Variants in RAB2A observed in about 807,000 individuals in gnomAD.
RAB2A encodes the protein ras-related protein Rab-2A.
A neutral mutation model predicts 32.5 loss-of-function variants in RAB2A; 7 were observed. The ratio of observed to expected loss-of-function variants is 0.22; its 90% CI spans 0.12 to 0.40. The LOEUF is 0.40. Ranked by LOEUF, RAB2A falls within the 10% of genes least tolerant of loss-of-function variation. The pLI is 1.00. For missense variants in RAB2A, 108 were observed against 260.7 expected, an observed-to-expected ratio of 0.41 and a Z score of 4.03; for synonymous variants, 79 against 85.2, an observed-to-expected ratio of 0.93 and a Z score of 0.40.
chr8:60,545,089 G>A (rs1270099261), intron 1 of RAB2A, among the ~76,000 whole-genome samples: 1 of 152,116 alleles, frequency 6.6e-6, no homozygotes, highest in African/African-American at 2.4e-5. Context: ...GCTTGTGGTT[G>A]TAAAAATAGA....
intron 1 of RAB2A, among the ~76,000 whole-genome samples, chr8:60,522,412 G>T (rs868549563): frequency 6.6e-6 from 1 of 152,188 alleles, no homozygotes; most frequent in African/African-American, 2.4e-5. Context: ...ACACTTAACC[G>T]TTACTTCTGG....
chr8:60,605,509 C>G (rs1381235106), intron 6 of RAB2A, among the ~76,000 whole-genome samples: 1 of 152,174 alleles, frequency 6.6e-6, no homozygotes, highest in Non-Finnish European at 1.5e-5. Flanking sequence ...AAGCCACAGG[C>G]ACTCAGTGCC....
chr8:60,517,130 G>A lies in RAB2A; in HGVS notation c.-78G>A, dbSNP rs1397661506. The A allele has an allele frequency of 2.9e-6, 4 of 1,397,260 alleles. No homozygotes were observed. Among genetic ancestry groups the A allele is most frequent in the African/African-American group, 1.5e-5 (1 of 66,224 alleles). The allele number at this position is 1,397,260 out of a possible 1,614,324, so 86.6% of individuals were successfully genotyped here. On this transcript the variant is annotated 5_prime_UTR_variant, in exon 1 of 8. Coordinates refer to ENST00000262646, the MANE Select transcript of RAB2A (RefSeq NM_002865.3). Reference sequence around the variant, plus strand: ...GGCGCCTGGCGTTTCGAGGCTGAGCGGCACCGGGGTTGGGGCGCGGAGGAG... The same window carrying A: ...GGCGCCTGGCGTTTCGAGGCTGAGCAGCACCGGGGTTGGGGCGCGGAGGAG...
intron 1 of RAB2A, among the ~76,000 whole-genome samples, chr8:60,555,418 ACAAT>A (rs59317648): frequency 0.065 from 9,822 of 152,252 alleles, 519 homozygotes; most frequent in African/African-American, 0.14. Flanking sequence ...AGCAAAGGAA[ACAAT>A]CAATAGAGTG....
chr8:60,614,681 T>G (rs1416412248), intron 6 of RAB2A, among the ~76,000 whole-genome samples: 3 of 152,252 alleles, frequency 2.0e-5, no homozygotes, highest in Non-Finnish European at 4.4e-5. Flanking sequence ...TTGTTTCAAC[T>G]GTGCAATCGA....
intron 1 of RAB2A, among the ~76,000 whole-genome samples, chr8:60,556,125 CATGT>C (rs1227099247): frequency 2.6e-5 from 4 of 152,240 alleles, no homozygotes; most frequent in Non-Finnish European, 4.4e-5. Context: ...GTAAATACTG[CATGT>C]TCTCGTATCC....
At chr8:60,570,860 G>GCC (rs1808188169) in intron 2 of RAB2A, among the ~76,000 whole-genome samples, 1 of 152,156 alleles carries the variant, frequency 6.6e-6, no homozygotes, top group Admixed American at 6.5e-5. Context: ...GGAGTTATGG[G>GCC]AGATGCTGAA....
intron 4 of RAB2A, 96 bp downstream of exon 4, chr8:60,584,386 T>C: frequency 1.9e-6 from 2 of 1,072,468 alleles, no homozygotes; most frequent in South Asian, 2.7e-5. Flanking sequence ...TTAGCCTTTC[T>C]GCCCCGGCTA....
At chr8:60,565,417 CAAAAA>C (rs34983530) in intron 2 of RAB2A, among the ~76,000 whole-genome samples, 2 of 111,380 alleles carry the variant, frequency 1.8e-5, no homozygotes. Context: ...AGACCTGCCT[CAAAAA>C]AAAAAAAAAA....
intron 6 of RAB2A, among the ~76,000 whole-genome samples, chr8:60,598,164 TC>T (rs1265100864): frequency 6.6e-6 from 1 of 152,128 alleles, no homozygotes; most frequent in Non-Finnish European, 1.5e-5. Context: ...ACCATTGCAC[TC>T]CAGCCTGGGC....
chr8:60,572,180 T>C, intron 3 of RAB2A, 67 bp downstream of exon 3: 2 of 1,215,068 alleles, frequency 1.6e-6, no homozygotes, highest in Non-Finnish European at 2.4e-6. Flanking sequence ...ATCGTATATT[T>C]GTTTTAATGT....
At position 60,588,675 on chromosome 8, in the gene RAB2A, G is replaced by A. The variant is rs1169911491; in HGVS notation, c.363-3183G>A. ...ATCATCAGCTGCCTAGGGTGCAGGG[G>A]CAAGAAGGGATGGATTACAATGGAG... On this transcript the variant is annotated intron_variant, in intron 5 of 7. Transcript: ENST00000262646. Among the ~76,000 whole-genome samples, 4 of 152,204 alleles carry A rather than the reference G, an allele frequency of 2.6e-5. No homozygotes were observed. In the South Asian group the frequency reaches 6.2e-4, roughly 24 times the overall value.
At chr8:60,591,144 A>G (rs1329385839) in intron 5 of RAB2A, among the ~76,000 whole-genome samples, 1 of 151,824 alleles carries the variant, frequency 6.6e-6, no homozygotes. Flanking sequence ...AAGTTTTTTA[A>G]CTTTAAAAAT....
At chr8:60,531,153 G>A (rs556563749) in intron 1 of RAB2A, among the ~76,000 whole-genome samples, 23 of 152,290 alleles carry the variant, frequency 1.5e-4, no homozygotes, top group African/African-American at 5.5e-4. Context: ...ATCAGTGTCA[G>A]TGGTGTATTC....
chr8:60,568,879 T>TA (rs923370106), intron 2 of RAB2A, among the ~76,000 whole-genome samples: 41 of 150,408 alleles, frequency 2.7e-4, no homozygotes, highest in Non-Finnish European at 3.3e-4. Flanking sequence ...ATTTATCACA[T>TA]AAAAAAAAAG....
chr8:60,516,914 C>T (rs578070907), upstream of RAB2A: 373 of 272,976 alleles, frequency 1.4e-3, 3 homozygotes, highest in African/African-American at 8.0e-3. Context: ...CTCCCCTTTC[C>T]TCCGGCGGCG....
chr8:60,603,565 C>T (rs145341968), intron 6 of RAB2A, among the ~76,000 whole-genome samples: 6 of 152,284 alleles, frequency 3.9e-5, no homozygotes, highest in Non-Finnish European at 5.9e-5. Context: ...CCTCATAACA[C>T]AGAATTATCT....
chr8:60,599,708 G>A (rs1804098140), intron 6 of RAB2A, among the ~76,000 whole-genome samples: 1 of 152,008 alleles, frequency 6.6e-6, no homozygotes, highest in Admixed American at 6.6e-5. Flanking sequence ...TGGAACTCTA[G>A]CAGTTAGAAA....
At chr8:60,597,239 A>G (rs1374690923) in intron 6 of RAB2A, among the ~76,000 whole-genome samples, 1 of 152,234 alleles carries the variant, frequency 6.6e-6, no homozygotes, top group Non-Finnish European at 1.5e-5. Flanking sequence ...TGGCACATAT[A>G]CACCATGGAA....
Sources: gnomAD v4.1 joint callset for allele counts (sites outside exome capture counted in the v4.1 genomes callset) on GRCh38, gnomAD v4.1.1 for gene constraint, MANE v1.5 for transcripts, NCBI Gene and HGNC (gene_info 2026-07-23, HGNC 2026-07-21) for gene names.